Variants in NODAL observed in about 807,000 individuals in gnomAD.
NODAL encodes nodal growth differentiation factor, also known as nodal homolog.
NODAL carries 12 observed loss-of-function variants against 34.0 expected under a neutral mutation model. The observed-to-expected ratio is 0.35, with a 90% CI of 0.23 to 0.57. The LOEUF (loss-of-function observed/expected upper bound fraction) is 0.57, where lower values mean the gene tolerates loss of function less well. Ranked by LOEUF, NODAL falls within the 20% of genes least tolerant of loss-of-function variation. NODAL has a pLI of 0.83. For missense variants in NODAL, 390 were observed against 444.2 expected, an observed-to-expected ratio of 0.88 and a Z score of 1.10; for synonymous variants, 162 against 186.4, an observed-to-expected ratio of 0.87 and a Z score of 1.07.
At chr10:70,434,928 A>G (rs2231956) in intron 2 of NODAL, 4,162 of 301,250 alleles carry the variant, frequency 0.014, 50 homozygotes, top group Non-Finnish European at 0.02. Flanking sequence ...TGAGGAGTCA[A>G]ATGCAGGCCT....
At chr10:70,440,320 T>C (rs1055751426) in intron 1 of NODAL, among the ~76,000 whole-genome samples, 1 of 152,032 alleles carries the variant, frequency 6.6e-6, no homozygotes, top group Non-Finnish European at 1.5e-5. Flanking sequence ...CGGCCGCTTT[T>C]CGGTTGAGGG....
Position 70,441,480 on chromosome 10 carries a change from G to A in NODAL, c.188C>T (p.Ala63Val), listed in dbSNP as rs1414914299. 1.9e-6 allele frequency: 3 copies of A among 1,581,806 alleles called. No individual in the cohort carries two copies. Among genetic ancestry groups the A allele is most frequent in the South Asian group, 1.2e-5 (1 of 86,830 alleles). Reference protein sequence around the residue: ...PRADIIRSLQAEDVAVDGQNW... With the variant: ...PRADIIRSLQVEDVAVDGQNW... ...CGGCACGCGGCACTGCCTACCTTCT[G>A]CCTGTAGGCTGCGGATGATGTCTGC... is the stretch of plus-strand genomic sequence containing the variant. Residue 63 changes from alanine (A) to valine (V), a missense_variant, in exon 1 of 3, where the codon GCA becomes GTA. Coordinates refer to ENST00000287139, the MANE Select transcript of NODAL (RefSeq NM_018055.5).
At position 70,441,656 on chromosome 10, in the gene NODAL, G is replaced by T; in HGVS notation, c.12C>A (p.His4Gln). 1 of 1,549,832 alleles carries T rather than the reference G, an allele frequency of 6.5e-7. No individual in the cohort carries two copies. Residue 4 changes from histidine (H) to glutamine (Q), a missense_variant, in exon 1 of 3, where the codon CAC (histidine) becomes CAA (glutamine). Coordinates refer to ENST00000287139, the MANE Select transcript of NODAL (RefSeq NM_018055.5). ...AGGCGTGCAGAAGGAAGGGCAGGCA[G>T]TGGGCGTGCATGGTGGGCTGGCCAG... is the stretch of plus-strand genomic sequence containing the variant. MHA[H>Q]CLPFLLHAWW...
At chr10:70,443,826 T>A (rs1413926023), upstream of NODAL, among the ~76,000 whole-genome samples, 1 of 150,620 alleles carries the variant, frequency 6.6e-6, no homozygotes, top group Non-Finnish European at 1.5e-5. Flanking sequence ...GCAACAAGAG[T>A]GAAACTCCGT....
chr10:70,441,743 T>C (rs1199948053), upstream of NODAL: 5 of 1,453,856 alleles, frequency 3.4e-6, no homozygotes, highest in Middle Eastern at 2.4e-4. Flanking sequence ...CGCCCCCACC[T>C]TTCCTCCCTC....
In NODAL at chr10:70,441,521, G is replaced by A; in HGVS notation, c.147C>T (p.Arg49=). 6 of 1,595,248 alleles carry A rather than the reference G, an allele frequency of 3.8e-6. No homozygotes were observed. The highest frequency in any genetic ancestry group is 4.3e-6 in the Non-Finnish European group (5 of 1,172,314). ...TGATGTCTGCCCTCGGCAGCGGGTC[G>A]CGGTAGAGGCTCAGCATGTACGCCA... The part of the protein sequence containing the change: ...SPLAYMLSLY[R]DPLPRADIIR... Residue 49 remains arginine, a synonymous_variant, in exon 1 of 3, where the codon CGC becomes CGT. Transcript: ENST00000287139.
chr10:70,442,883 G>A (rs145542783), upstream of NODAL, among the ~76,000 whole-genome samples: 100 of 152,220 alleles, frequency 6.6e-4, 1 homozygote, highest in African/African-American at 2.0e-3. Flanking sequence ...AGGAGTTCAA[G>A]ACCAGCCTGG....
At chr10:70,438,478 A>G (rs983004200) in intron 1 of NODAL, among the ~76,000 whole-genome samples, 1 of 152,176 alleles carries the variant, frequency 6.6e-6, no homozygotes, top group Non-Finnish European at 1.5e-5. Flanking sequence ...AGATGGTAAA[A>G]GTAGCCACCT....
At chr10:70,436,434 G>A (rs572384227) in intron 1 of NODAL, 91 of 254,566 alleles carry the variant, frequency 3.6e-4, no homozygotes, top group Non-Finnish European at 5.2e-4. Flanking sequence ...TTAGCTGGGC[G>A]TGGTGGTTTG....
chr10:70,436,013 G>A (rs763012594), intron 1 of NODAL, 30 bp from the exon 2 acceptor site: 9 of 1,585,846 alleles, frequency 5.7e-6, no homozygotes, highest in Non-Finnish European at 7.8e-6. Context: ...GAAGGAAGGA[G>A]GGTGAGTGAG....
At chr10:70,440,258 A>G (rs1845410857) in intron 1 of NODAL, among the ~76,000 whole-genome samples, 1 of 152,112 alleles carries the variant, frequency 6.6e-6, no homozygotes, top group Admixed American at 6.5e-5. Flanking sequence ...AACTTTCCAG[A>G]AGGGAGTGAA....
At chr10:70,440,714 C>T (rs529459646) in intron 1 of NODAL, among the ~76,000 whole-genome samples, 69 of 152,306 alleles carry the variant, frequency 4.5e-4, no homozygotes, top group Non-Finnish European at 7.2e-4. Context: ...AGATCCCTGC[C>T]GTCCTTGACA....
In NODAL at chr10:70,435,529, G is replaced by C. The variant is rs200530566; in HGVS notation, c.648C>G (p.Ala216=). 1 of 1,613,906 alleles carries C rather than the reference G, an allele frequency of 6.2e-7. No individual in the cohort carries two copies. Among genetic ancestry groups the C allele is most frequent in the Non-Finnish European group, 8.5e-7 (1 of 1,180,026 alleles). Residue 216 remains alanine, a synonymous_variant, in exon 2 of 3, where the codon GCC becomes GCG. Coordinates refer to ENST00000287139, the MANE Select transcript of NODAL (RefSeq NM_018055.5). ...CCTCCTGGGCCCGCCAGGAGCTCTC[G>C]GCTTCCCACAGCAAGGTGGACCCAC... ...QLGGSTLLWE[A]ESSWRAQEGQ...
chr10:70,436,542 G>GAGT (rs1845356059), intron 1 of NODAL: 1 of 109,092 alleles, frequency 9.2e-6, no homozygotes, highest in African/African-American at 3.7e-5. Context: ...TGCACAACAA[G>GAGT]AGTGAAACTC....
At chr10:70,440,139 G>A (rs1320955783) in intron 1 of NODAL, among the ~76,000 whole-genome samples, 1 of 152,182 alleles carries the variant, frequency 6.6e-6, no homozygotes, top group Non-Finnish European at 1.5e-5. Context: ...ATTTACAGAA[G>A]GGAAGGCAGA....
In NODAL at chr10:70,435,680, G is replaced by C. The variant is rs1445254502; in HGVS notation, c.497C>G (p.Pro166Arg). Residue 166 changes from proline (P) to arginine (R), a missense_variant, in exon 2 of 3, where the codon CCT (proline) becomes CGT (arginine). Physicochemically the swap from Pro to Arg is moderately radical, Grantham distance 103 (BLOSUM62 -2). Transcript: ENST00000287139. ...TRPLSKWLKHPGALEKQMSRV... is the reference protein window; with the variant it reads ...TRPLSKWLKHRGALEKQMSRV... ...GGACATCTGCTTCTCCAGGGCCCCAGGGTGCTTCAGCCACTTGGAGAGAGG... is the reference window on the plus strand; with the variant it reads ...GGACATCTGCTTCTCCAGGGCCCCACGGTGCTTCAGCCACTTGGAGAGAGG... 1 of 1,614,092 alleles carries C rather than the reference G, an allele frequency of 6.2e-7. No individual in the cohort carries two copies.
upstream of NODAL, among the ~76,000 whole-genome samples, chr10:70,444,329 CTTT>C (rs34924993): frequency 6.0e-4 from 74 of 124,080 alleles, no homozygotes; most frequent in Non-Finnish European, 4.8e-4. Flanking sequence ...TCCAGTGATA[CTTT>C]TTTTTTTTTT....
intron 1 of NODAL, among the ~76,000 whole-genome samples, chr10:70,437,389 C>T (rs10999337): frequency 0.23 from 35,631 of 152,054 alleles, 4,472 homozygotes; most frequent in Non-Finnish European, 0.27. Context: ...TGTGGTGAGC[C>T]GGGATCGCGC....
At chr10:70,437,748 T>C (rs1845374898) in intron 1 of NODAL, among the ~76,000 whole-genome samples, 1 of 152,178 alleles carries the variant, frequency 6.6e-6, no homozygotes, top group African/African-American at 2.4e-5. Flanking sequence ...GAAGTGAATT[T>C]CTCTGGGAAA....
Sources: gnomAD v4.1 joint callset for allele counts (sites outside exome capture counted in the v4.1 genomes callset) on GRCh38, gnomAD v4.1.1 for gene constraint, MANE v1.5 for transcripts, NCBI Gene and HGNC (gene_info 2026-07-23, HGNC 2026-07-21) for gene names.